Variants in PTPRD observed in about 807,000 individuals in gnomAD.
The protein encoded by PTPRD is receptor-type tyrosine-protein phosphatase delta.
A neutral mutation model predicts 214.5 loss-of-function variants in PTPRD; 34 were observed. The observed-to-expected ratio is 0.16, with a 90% CI of 0.12 to 0.21. The LOEUF (loss-of-function observed/expected upper bound fraction) is 0.21. Among genes scored for constraint, PTPRD ranks in the 10% least tolerant of loss-of-function variants. The pLI is 1.00. For missense variants in PTPRD, 2,545 were observed against 2,398.7 expected, an observed-to-expected ratio of 1.06 and a Z score of -1.27; for synonymous variants, 1,128 against 845.7, an observed-to-expected ratio of 1.33 and a Z score of -5.79.
At chr9:10,177,292 T>A (rs2099254434) in intron 3 of PTPRD, among the ~76,000 whole-genome samples, 1 of 151,604 alleles carries the variant, frequency 6.6e-6, no homozygotes, top group Non-Finnish European at 1.5e-5. Context: ...GGGAAGAGAA[T>A]GATAAATTGA....
chr9:9,367,268 C>G (rs145117172), intron 9 of PTPRD, among the ~76,000 whole-genome samples: 115 of 151,340 alleles, frequency 7.6e-4, no homozygotes, highest in African/African-American at 2.7e-3. Context: ...TAGAAGTTAA[C>G]TGGAAGGAAA....
intron 39 of PTPRD, among the ~76,000 whole-genome samples, chr9:8,347,164 C>G (rs1272299093): frequency 6.6e-6 from 1 of 151,984 alleles, no homozygotes; most frequent in African/African-American, 2.4e-5. Flanking sequence ...TTGAAATCAT[C>G]CATGGGAATA....
intron 11 of PTPRD, among the ~76,000 whole-genome samples, chr9:8,823,230 A>C (rs2097107134): frequency 6.6e-6 from 1 of 152,012 alleles, no homozygotes; most frequent in African/African-American, 2.4e-5. Context: ...TGACCTCTAA[A>C]TGTTCAGTGT....
At chr9:9,092,259 A>T (rs2099777297) in intron 10 of PTPRD, among the ~76,000 whole-genome samples, 1 of 152,174 alleles carries the variant, frequency 6.6e-6, no homozygotes, top group African/African-American at 2.4e-5. Flanking sequence ...AAACTAAAGT[A>T]GACACAGATA....
chr9:8,375,351 T>C (rs982509320), intron 39 of PTPRD, among the ~76,000 whole-genome samples: 1 of 152,014 alleles, frequency 6.6e-6, no homozygotes. Context: ...TACAACTTAT[T>C]ACCTTTGAGT....
At chr9:8,802,510 C>A (rs938834443) in intron 11 of PTPRD, among the ~76,000 whole-genome samples, 1 of 152,186 alleles carries the variant, frequency 6.6e-6, no homozygotes, top group Non-Finnish European at 1.5e-5. Flanking sequence ...CACAAATAAA[C>A]TGAGTAATAG....
At chr9:10,267,555 T>C (rs2094151738) in intron 3 of PTPRD, among the ~76,000 whole-genome samples, 1 of 152,178 alleles carries the variant, frequency 6.6e-6, no homozygotes, top group Admixed American at 6.5e-5. Context: ...GCCCAAGGCA[T>C]TTCTTGGTTA....
chr9:9,560,931 G>T (rs188638877), intron 8 of PTPRD, among the ~76,000 whole-genome samples: 15 of 152,126 alleles, frequency 9.9e-5, no homozygotes, highest in African/African-American at 3.6e-4. Context: ...CGAGCAAGCC[G>T]AGCTGTGTCC....
chr9:10,062,173 ATAAC>A (rs1476857867), intron 3 of PTPRD, among the ~76,000 whole-genome samples: 3 of 152,130 alleles, frequency 2.0e-5, no homozygotes, highest in African/African-American at 7.2e-5. Flanking sequence ...GAGAACTCAA[ATAAC>A]TACATATATC....
At chr9:9,799,529 T>A (rs935898108) in intron 5 of PTPRD, 2 of 152,180 alleles carry the variant, frequency 1.3e-5, no homozygotes, top group African/African-American at 4.8e-5. Context: ...ATACACTGTG[T>A]TTCCTTGGGG....
At chr9:10,461,844 G>A (rs753169527) in intron 2 of PTPRD, among the ~76,000 whole-genome samples, 2 of 151,852 alleles carry the variant, frequency 1.3e-5, no homozygotes, top group African/African-American at 4.8e-5. Flanking sequence ...CTGGTCTCGA[G>A]CTCCTGACCT....
At chr9:8,845,333 A>G (rs1192705464) in intron 11 of PTPRD, among the ~76,000 whole-genome samples, 1 of 152,222 alleles carries the variant, frequency 6.6e-6, no homozygotes, top group Non-Finnish European at 1.5e-5. Flanking sequence ...CTATAAAGAA[A>G]AAAAGTCGCC....
chr9:8,464,049 A>C (rs2096488220), intron 32 of PTPRD, among the ~76,000 whole-genome samples: 1 of 151,978 alleles, frequency 6.6e-6, no homozygotes. Flanking sequence ...GTAATTAATA[A>C]ACAGATGACA....
At chr9:9,332,069 A>G (rs1285375775) in intron 9 of PTPRD, among the ~76,000 whole-genome samples, 6 of 152,056 alleles carry the variant, frequency 3.9e-5, no homozygotes, top group African/African-American at 1.4e-4. Context: ...GTCTGTTCAC[A>G]TGTAGAGGTG....
chr9:10,571,550 AT>A (rs1166361117), intron 2 of PTPRD, among the ~76,000 whole-genome samples: 1 of 152,124 alleles, frequency 6.6e-6, no homozygotes, highest in Non-Finnish European at 1.5e-5. Flanking sequence ...TTGGAACTGT[AT>A]TGTTTTCTGT....
chr9:9,363,490 G>A (rs187729262), intron 9 of PTPRD, among the ~76,000 whole-genome samples: 2 of 151,376 alleles, frequency 1.3e-5, no homozygotes, highest in African/African-American at 4.8e-5. Context: ...TTAAAGGTTA[G>A]GAAAAACCAT....
chr9:8,937,518 C>CT (rs1330981019), intron 11 of PTPRD, among the ~76,000 whole-genome samples: 2 of 152,154 alleles, frequency 1.3e-5, no homozygotes, highest in Non-Finnish European at 2.9e-5. Context: ...CCTCTCCATT[C>CT]TCTCCTCTGT....
intron 3 of PTPRD, among the ~76,000 whole-genome samples, chr9:10,121,394 G>A (rs2098774112): frequency 6.6e-6 from 1 of 152,078 alleles, no homozygotes; most frequent in South Asian, 2.1e-4. Flanking sequence ...ATTAAAATAG[G>A]CAAATAGTAT....
chr9:8,353,745 T>C (rs1255812803), intron 39 of PTPRD, among the ~76,000 whole-genome samples: 2 of 151,746 alleles, frequency 1.3e-5, no homozygotes, highest in Non-Finnish European at 2.9e-5. Flanking sequence ...GTACTGCCCA[T>C]TGCCTCTTCT....
Sources: allele counts gnomAD v4.1 joint callset (sites outside exome capture counted in the v4.1 genomes callset), GRCh38; gene constraint gnomAD v4.1.1; transcripts MANE v1.5; gene names NCBI Gene and HGNC (gene_info 2026-07-23, HGNC 2026-07-21).